NAALADL2: variants seen among roughly 807,000 people sequenced by gnomAD.
NAALADL2 encodes the protein inactive N-acetylated-alpha-linked acidic dipeptidase-like protein 2.
A neutral mutation model predicts 87.2 loss-of-function variants in NAALADL2; 76 were observed. The ratio of observed to expected loss-of-function variants is 0.87; its 90% CI spans 0.72 to 1.05. The LOEUF is 1.05. Ranked by LOEUF, NAALADL2 falls within the 50% of genes least tolerant of loss-of-function variation. NAALADL2 has a pLI of 0.00. For missense variants in NAALADL2, 1,089 were observed against 945.8 expected (o/e 1.15, Z -1.99); for synonymous variants, 354 against 331.0 (o/e 1.07, Z -0.75).
chr3:174,716,595 T>C (rs1017819343), intron 2 of NAALADL2, among the ~76,000 whole-genome samples: 1 of 151,990 alleles, frequency 6.6e-6, no homozygotes. Context: ...TTAATAGAAT[T>C]ATTTTCCACC....
intron 6 of NAALADL2, chr3:175,459,932 C>A (rs971767735): frequency 6.6e-6 from 2 of 303,592 alleles, no homozygotes; most frequent in African/African-American, 4.5e-5. Context: ...ACAGCATATC[C>A]ATGTTTCTAA....
chr3:175,129,694 C>T (rs1727512785), intron 2 of NAALADL2, among the ~76,000 whole-genome samples: 1 of 152,106 alleles, frequency 6.6e-6, no homozygotes, highest in African/African-American at 2.4e-5. Context: ...ATGTATATAT[C>T]TTACATTTCC....
At chr3:175,013,302 T>TATATA (rs1491529571) in intron 1 of NAALADL2, among the ~76,000 whole-genome samples, 4 of 54,864 alleles carry the variant, frequency 7.3e-5, no homozygotes, top group African/African-American at 1.1e-4. Context: ...TATATATATA[T>TATATA]TTTTTTTTTT....
At chr3:174,710,735 T>G (rs536923535) in intron 2 of NAALADL2, among the ~76,000 whole-genome samples, 1 of 152,136 alleles carries the variant, frequency 6.6e-6, no homozygotes, top group Non-Finnish European at 1.5e-5. Flanking sequence ...AGCAAGGAAA[T>G]AGGGACCTCT....
intron 2 of NAALADL2, among the ~76,000 whole-genome samples, chr3:174,595,207 C>T (rs995053115): frequency 6.6e-6 from 1 of 152,144 alleles, no homozygotes; most frequent in African/African-American, 2.4e-5. Context: ...CTTCCAGCCA[C>T]ACCTCACATC....
At chr3:175,000,873 C>A (rs1222717596) in intron 1 of NAALADL2, among the ~76,000 whole-genome samples, 1 of 152,134 alleles carries the variant, frequency 6.6e-6, no homozygotes, top group Non-Finnish European at 1.5e-5. Flanking sequence ...AGAAACTTGA[C>A]CTTAGAGAGG....
At chr3:175,515,668 T>C (rs1315309524) in intron 9 of NAALADL2, among the ~76,000 whole-genome samples, 1 of 151,990 alleles carries the variant, frequency 6.6e-6, no homozygotes. Context: ...AAGTTGGGCA[T>C]CAGATAAGCC....
intron 1 of NAALADL2, among the ~76,000 whole-genome samples, chr3:175,044,292 A>G (rs1754426066): frequency 6.6e-6 from 1 of 152,152 alleles, no homozygotes. Context: ...CTAGTATCAG[A>G]TCTTGAACTG....
At chr3:175,754,281 A>G (rs1371321464) in intron 12 of NAALADL2, among the ~76,000 whole-genome samples, 8 of 152,196 alleles carry the variant, frequency 5.3e-5, no homozygotes, top group Non-Finnish European at 8.8e-5. Flanking sequence ...ATAGATACTA[A>G]GTGGTAGCGC....
At chr3:175,258,302 T>C (rs1581154908) in intron 4 of NAALADL2, among the ~76,000 whole-genome samples, 1 of 101,436 alleles carries the variant, frequency 9.9e-6, no homozygotes, top group Non-Finnish European at 1.8e-5. Flanking sequence ...AGGGCGAGAC[T>C]CCGTCCCTCC....
chr3:175,678,723 G>A (rs150346116), intron 11 of NAALADL2, among the ~76,000 whole-genome samples: 181 of 152,268 alleles, frequency 1.2e-3, no homozygotes, highest in African/African-American at 4.3e-3. Flanking sequence ...AGGGCCTGTC[G>A]TGGGGTGGGG....
chr3:175,019,906 A>C (rs9825468), intron 1 of NAALADL2, among the ~76,000 whole-genome samples: 1 of 151,972 alleles, frequency 6.6e-6, no homozygotes, highest in African/African-American at 2.4e-5. Flanking sequence ...AGAAGCTCCA[A>C]GCATATGCTA....
intron 3 of NAALADL2, among the ~76,000 whole-genome samples, chr3:174,781,104 G>C (rs999164701): frequency 2.0e-5 from 3 of 151,922 alleles, no homozygotes; most frequent in African/African-American, 7.3e-5. Context: ...TTGAATATTG[G>C]CCCCCACTCT....
chr3:175,404,074 A>T (rs1358052365), intron 5 of NAALADL2, among the ~76,000 whole-genome samples: 2 of 152,102 alleles, frequency 1.3e-5, no homozygotes, highest in Non-Finnish European at 2.9e-5. Context: ...GCATATATTA[A>T]AACATCTTGG....
At chr3:175,257,769 TAAATC>T (rs968574411) in intron 4 of NAALADL2, among the ~76,000 whole-genome samples, 1 of 151,982 alleles carries the variant, frequency 6.6e-6, no homozygotes, top group Non-Finnish European at 1.5e-5. Context: ...AAAATCCTCA[TAAATC>T]AAAAAAAAGA....
At chr3:175,486,394 C>G (rs1727262609) in intron 9 of NAALADL2, among the ~76,000 whole-genome samples, 1 of 152,128 alleles carries the variant, frequency 6.6e-6, no homozygotes, top group African/African-American at 2.4e-5. Context: ...AGTTCCACTT[C>G]CCTTCACTGA....
At chr3:174,999,390 A>G (rs1192114750) in intron 1 of NAALADL2, among the ~76,000 whole-genome samples, 1 of 152,068 alleles carries the variant, frequency 6.6e-6, no homozygotes, top group Non-Finnish European at 1.5e-5. Flanking sequence ...TCTTTCTGTA[A>G]TGTACATGCT....
At chr3:174,871,843 G>A (rs1727862563) in intron 1 of NAALADL2, among the ~76,000 whole-genome samples, 1 of 152,116 alleles carries the variant, frequency 6.6e-6, no homozygotes, top group African/African-American at 2.4e-5. Flanking sequence ...AGGTTGCACT[G>A]AGCTGAGATC....
At chr3:175,331,343 A>G (rs1477836665) in intron 5 of NAALADL2, among the ~76,000 whole-genome samples, 1 of 152,212 alleles carries the variant, frequency 6.6e-6, no homozygotes, top group Non-Finnish European at 1.5e-5. Context: ...CAAGAATGCA[A>G]CAACAAGAAT....
Sources: gnomAD v4.1 joint callset for allele counts (sites outside exome capture counted in the v4.1 genomes callset) on GRCh38, gnomAD v4.1.1 for gene constraint, MANE v1.5 for transcripts, NCBI Gene and HGNC (gene_info 2026-07-23, HGNC 2026-07-21) for gene names.